ANKRD44: variants seen among roughly 807,000 people sequenced by gnomAD.
The protein encoded by ANKRD44 is serine/threonine-protein phosphatase 6 regulatory ankyrin repeat subunit B.
In ANKRD44, 35 loss-of-function variants were observed where a neutral mutation model predicts 116.0. That is an observed-to-expected ratio of 0.30 (90% CI 0.23 to 0.40). ANKRD44 has a LOEUF of 0.40. Ranked by LOEUF, ANKRD44 falls within the 10% of genes least tolerant of loss-of-function variation. ANKRD44 has a pLI of 1.00. For missense variants in ANKRD44, 1,014 were observed against 1,242.6 expected (o/e 0.82, Z 2.77); for synonymous variants, 435 against 461.8 (o/e 0.94, Z 0.74).
At chr2:197,179,295 CTAGA>C (rs2080446924) in intron 2 of ANKRD44, among the ~76,000 whole-genome samples, 1 of 152,112 alleles carries the variant, frequency 6.6e-6, no homozygotes, top group African/African-American at 2.4e-5. Context: ...GTTTATTCTT[CTAGA>C]TAAAGTTTAG....
chr2:197,017,894 C>A (rs768342493), intron 17 of ANKRD44, among the ~76,000 whole-genome samples: 17 of 152,226 alleles, frequency 1.1e-4, no homozygotes, highest in Non-Finnish European at 1.9e-4. Context: ...TAGCCCTTCC[C>A]CTCCTTGCTG....
At position 197,279,961 on chromosome 2, in the gene ANKRD44, C is replaced by G. The variant is rs78385427; in HGVS notation, c.27+30617G>C. Among the ~76,000 whole-genome samples the G allele has an allele frequency of 1.0e-3, 159 of 152,306 alleles. 2 individuals are homozygous for G. In the East Asian group the frequency reaches 0.029, roughly 28 times the overall value. ...ATGCTCTGCAAAGCTTTGTTGTCAT[C>G]ATTTTTGAGCCACCACTACTATAAG... is the stretch of plus-strand genomic sequence containing the variant. On this transcript the variant is annotated intron_variant, in intron 1 of 27. Coordinates refer to ENST00000282272, the MANE Select transcript of ANKRD44 (RefSeq NM_001195144.2).
At chr2:197,144,288 C>T (rs1222855790) in intron 3 of ANKRD44, among the ~76,000 whole-genome samples, 1 of 152,190 alleles carries the variant, frequency 6.6e-6, no homozygotes, top group African/African-American at 2.4e-5. Context: ...ATGGAGAACA[C>T]AGCTATAATG....
chr2:197,282,836 T>C (rs2083304540), intron 1 of ANKRD44, among the ~76,000 whole-genome samples: 1 of 152,132 alleles, frequency 6.6e-6, no homozygotes. Context: ...CATGTGCCTG[T>C]AATCCCGGGT....
rs1436048464 is a variant in ANKRD44, at chr2:197,261,021, G to C, written c.27+49557C>G. 3.3e-5 allele frequency among the ~76,000 whole-genome samples: 5 copies of C among 151,802 alleles called. No individual in the cohort carries two copies. In the East Asian group the frequency reaches 9.6e-4, roughly 29 times the overall value. On this transcript the variant is annotated intron_variant, in intron 1 of 27. Transcript: ENST00000282272. ...GGTTGCAAAAATTTTCTCCCATTCT[G>C]TAGGTTGCCTGTTCACTCTGATGGT...
chr2:197,076,822 A>G (rs1452977973), intron 16 of ANKRD44, among the ~76,000 whole-genome samples: 1 of 152,160 alleles, frequency 6.6e-6, no homozygotes, highest in African/African-American at 2.4e-5. Flanking sequence ...ATGTTCCTAC[A>G]AAGGACATGA....
intron 2 of ANKRD44, among the ~76,000 whole-genome samples, chr2:197,147,476 G>A (rs934720137): frequency 1.3e-5 from 2 of 150,432 alleles, no homozygotes; most frequent in African/African-American, 4.9e-5. Context: ...ATAGTTCAAA[G>A]CTTTCAATGA....
intron 2 of ANKRD44, among the ~76,000 whole-genome samples, chr2:197,163,563 G>C (rs745529580): frequency 2.6e-5 from 4 of 152,214 alleles, no homozygotes; most frequent in Non-Finnish European, 5.9e-5. Context: ...ATTTCCAGGC[G>C]TAGGAAATCT....
intron 1 of ANKRD44, among the ~76,000 whole-genome samples, chr2:197,224,014 A>T (rs2081644632): frequency 6.6e-6 from 1 of 152,236 alleles, no homozygotes; most frequent in Non-Finnish European, 1.5e-5. Flanking sequence ...ATGCATTTTT[A>T]AAAAGAAATT....
At chr2:197,195,395 T>C (rs1426326597) in intron 1 of ANKRD44, among the ~76,000 whole-genome samples, 3 of 152,126 alleles carry the variant, frequency 2.0e-5, no homozygotes, top group Non-Finnish European at 4.4e-5. Context: ...GAAGGAGAGA[T>C]TGGAGTTAGA....
chr2:197,266,214 G>A (rs866121935), intron 1 of ANKRD44, among the ~76,000 whole-genome samples: 3 of 151,976 alleles, frequency 2.0e-5, no homozygotes, highest in Admixed American at 6.6e-5. Flanking sequence ...TAAAGAATTC[G>A]CCACCAAGAA....
At chr2:197,205,151 C>T (rs1306104793) in intron 1 of ANKRD44, among the ~76,000 whole-genome samples, 1 of 152,212 alleles carries the variant, frequency 6.6e-6, no homozygotes, top group Non-Finnish European at 1.5e-5. Flanking sequence ...TGTCCCAGAA[C>T]CACAGAGTAA....
intron 16 of ANKRD44, among the ~76,000 whole-genome samples, chr2:197,071,683 G>A (rs1394184152): frequency 6.6e-6 from 1 of 152,126 alleles, no homozygotes; most frequent in African/African-American, 2.4e-5. Context: ...TGGGTAGAGT[G>A]TTCTTATTGT....
intron 1 of ANKRD44, among the ~76,000 whole-genome samples, chr2:197,267,865 C>T (rs2082782918): frequency 6.6e-6 from 1 of 152,144 alleles, no homozygotes; most frequent in African/African-American, 2.4e-5. Context: ...GAGAAAGTCA[C>T]CAGAATCAGG....
chr2:197,174,662 G>A (rs1574201851), intron 2 of ANKRD44, among the ~76,000 whole-genome samples: 2 of 152,340 alleles, frequency 1.3e-5, no homozygotes, highest in Non-Finnish European at 2.9e-5. Flanking sequence ...ATTAAAAGAG[G>A]CTTCAGCTCT....
chr2:197,282,458 G>C (rs891414206), intron 1 of ANKRD44, among the ~76,000 whole-genome samples: 7 of 152,092 alleles, frequency 4.6e-5, no homozygotes, highest in Admixed American at 1.3e-4. Context: ...CTGGCATTTG[G>C]ATATAAGGTA....
intron 18 of ANKRD44, among the ~76,000 whole-genome samples, chr2:197,010,156 G>A (rs926897476): frequency 3.9e-5 from 6 of 152,050 alleles, no homozygotes; most frequent in Non-Finnish European, 8.8e-5. Flanking sequence ...CTCCCAGGTC[G>A]TTTTACATTC....
chr2:196,980,631 ACC>A (rs2075794220), intron 21 of ANKRD44, among the ~76,000 whole-genome samples: 1 of 152,222 alleles, frequency 6.6e-6, no homozygotes, highest in Non-Finnish European at 1.5e-5. Flanking sequence ...CGTTGTCTGA[ACC>A]ACACTCTCCT....
chr2:197,027,035 A>T (rs1252501788), intron 16 of ANKRD44, among the ~76,000 whole-genome samples: 2 of 151,960 alleles, frequency 1.3e-5, no homozygotes, highest in South Asian at 2.1e-4. Context: ...AGTTTTGGAC[A>T]TGTGAAATTT....
Sources: gnomAD v4.1 joint callset for allele counts (sites outside exome capture counted in the v4.1 genomes callset) on GRCh38, gnomAD v4.1.1 for gene constraint, MANE v1.5 for transcripts, NCBI Gene and HGNC (gene_info 2026-07-23, HGNC 2026-07-21) for gene names.